The following CNST variants were observed in gnomAD, a reference collection of about 807,000 sequenced individuals.
CNST encodes the protein consortin, connexin sorting protein.
CNST carries 39 observed loss-of-function variants against 72.4 expected under a neutral mutation model. The observed-to-expected ratio is 0.54, with a 90% CI of 0.42 to 0.70. The LOEUF (loss-of-function observed/expected upper bound fraction) is 0.70. CNST is among the 30% of genes least tolerant of loss of function. The pLI, the probability that CNST is intolerant of heterozygous loss-of-function variation, is 0.00. For missense variants in CNST, 871 were observed against 868.5 expected (o/e 1.00, Z -0.04); for synonymous variants, 332 against 320.1 (o/e 1.04, Z -0.40).
At chr1:246,596,339 G>C (rs1277573903) in intron 2 of CNST, among the ~76,000 whole-genome samples, 1 of 151,372 alleles carries the variant, frequency 6.6e-6, no homozygotes, top group Non-Finnish European at 1.5e-5. Context: ...CACAGCAGCA[G>C]TGAGCTGCAT....
intron 10 of CNST, among the ~76,000 whole-genome samples, chr1:246,662,981 A>T (rs554311918): frequency 6.6e-6 from 1 of 152,350 alleles, no homozygotes; most frequent in African/African-American, 2.4e-5. Flanking sequence ...GGATTTGAAT[A>T]TATGATAATG....
chr1:246,618,086 C>T (rs528975533), intron 2 of CNST, among the ~76,000 whole-genome samples: 1 of 152,314 alleles, frequency 6.6e-6, no homozygotes, highest in African/African-American at 2.4e-5. Context: ...CAGAAAGGAA[C>T]TAGAAGATAC....
At chr1:246,636,788 C>T (rs543954816) in intron 6 of CNST, among the ~76,000 whole-genome samples, 2 of 152,284 alleles carry the variant, frequency 1.3e-5, no homozygotes, top group South Asian at 2.1e-4. Flanking sequence ...ACACATTCCT[C>T]GACTAAGGTT....
At chr1:246,627,899 T>TTA in intron 3 of CNST, among the ~76,000 whole-genome samples, 1 of 151,540 alleles carries the variant, frequency 6.6e-6, no homozygotes, top group Admixed American at 6.6e-5. Flanking sequence ...CATAGGATAT[T>TTA]TATATATATC....
At chr1:246,635,544 A>G (rs180923270) in intron 6 of CNST, among the ~76,000 whole-genome samples, 18 of 152,300 alleles carry the variant, frequency 1.2e-4, no homozygotes, top group Admixed American at 1.2e-3. Context: ...ATTATCGTCT[A>G]TGTTAAGACA....
At chr1:246,632,663 G>A (rs1664850681) in intron 4 of CNST, among the ~76,000 whole-genome samples, 1 of 152,160 alleles carries the variant, frequency 6.6e-6, no homozygotes, top group Non-Finnish European at 1.5e-5. Context: ...GTAGGCAGTT[G>A]GACAGTGTAT....
chr1:246,658,216 G>A (rs1666872748), intron 9 of CNST, among the ~76,000 whole-genome samples: 1 of 152,118 alleles, frequency 6.6e-6, no homozygotes, highest in African/African-American at 2.4e-5. Context: ...ATGTATTCAT[G>A]AAAATTAATT....
rs1411813103 is a variant in CNST at position 246,648,022 on chromosome 1, G to A, written c.1821G>A (p.Arg607=). ...TTTCTCTTGATGATCTTGCCAAAAG[G>A]ATAGAGATTGCAGAGGTAAATCAGA... is the stretch of plus-strand genomic sequence containing the variant. ...SCLSLDDLAK[R]IEIAEVVPTE... is the part of the protein sequence containing the mutation. Residue 607 remains arginine (R), a synonymous_variant, in exon 9 of 11, where the codon AGG becomes AGA. Transcript: ENST00000366513. 9.3e-6 allele frequency: 15 copies of A among 1,609,378 alleles called. No individual in the cohort carries two copies. Among genetic ancestry groups the A allele is most frequent in the Non-Finnish European group, 1.3e-5 (15 of 1,178,270 alleles).
At chr1:246,641,820 A>G in intron 7 of CNST, 50 bp downstream of exon 7, 2 of 1,265,268 alleles carry the variant, frequency 1.6e-6, no homozygotes, top group Non-Finnish European at 1.1e-6. Flanking sequence ...TGTTTGTGTC[A>G]TATGTCTGTT....
chr1:246,645,428 T>TATTTA (rs60285031), intron 8 of CNST, among the ~76,000 whole-genome samples: 118 of 142,562 alleles, frequency 8.3e-4, no homozygotes, highest in Non-Finnish European at 8.0e-4. Flanking sequence ...TTAAAACTTT[T>TATTTA]TTTTTTTTTT....
Position 246,612,944 on chromosome 1 carries a change from T to G in CNST, c.380-8485T>G, listed in dbSNP as rs544785115. ...TAGGGACATACAAAGCTTAACTAAT[T>G]GAAATTTGCTGAGTTTTAAAACATA... On this transcript the variant is annotated intron_variant, in intron 2 of 10. Transcript: ENST00000366513. Among the ~76,000 whole-genome samples, 57 of 152,272 alleles carry G rather than the reference T, an allele frequency of 3.7e-4. 1 individual carries two copies. Among genetic ancestry groups the G allele is most frequent in the Non-Finnish European group, 2.2e-4 (15 of 68,010 alleles).
chr1:246,616,915 A>C (rs1663743544), intron 2 of CNST, among the ~76,000 whole-genome samples: 1 of 151,864 alleles, frequency 6.6e-6, no homozygotes, highest in African/African-American at 2.4e-5. Flanking sequence ...TAATAATAAA[A>C]ATTTTTTGAA....
intron 2 of CNST, among the ~76,000 whole-genome samples, chr1:246,619,243 G>T (rs1272273351): frequency 6.6e-6 from 1 of 151,982 alleles, no homozygotes; most frequent in Non-Finnish European, 1.5e-5. Flanking sequence ...TGGTTTTGCT[G>T]CTATGGTGGT....
intron 1 of CNST, among the ~76,000 whole-genome samples, chr1:246,586,713 A>G (rs974575679): frequency 4.6e-5 from 7 of 152,166 alleles, no homozygotes; most frequent in African/African-American, 1.7e-4. Context: ...ATGGACTCAT[A>G]ACATTAAAGG....
intron 1 of CNST, among the ~76,000 whole-genome samples, chr1:246,590,629 T>G (rs1048407054): frequency 8.7e-6 from 1 of 115,204 alleles, no homozygotes; most frequent in African/African-American, 3.4e-5. Context: ...GAAGAATCTT[T>G]AGAAGTCCTC....
In CNST at chr1:246,638,058, C is replaced by T. The variant is rs143535079; in HGVS notation, c.818+3471C>T. Among the ~76,000 whole-genome samples the T allele has an allele frequency of 2.0e-4, 30 of 152,076 alleles. No individual in the cohort carries two copies. The East Asian group carries it at 2.3e-3, about 12-fold the overall frequency. On this transcript the variant is annotated intron_variant, in intron 6 of 10. Transcript: ENST00000366513. ...GCAGGACTGGATGATCTCTGGAACG[C>T]GGCTGGAAAGGTGAGGACAAGTGAG...
At position 246,579,056 on chromosome 1, in the gene CNST, G is replaced by A. The variant is rs1447401006; in HGVS notation, c.-52+12393G>A. On this transcript the variant is annotated intron_variant, in intron 1 of 10. Coordinates refer to ENST00000366513, the MANE Select transcript of CNST (RefSeq NM_152609.3). Reference sequence around the variant, plus strand: ...TGTTATTCTCATACTCTGGTATTACGGTCACTTCTCACAATAGACTTAAAC... The same window carrying A: ...TGTTATTCTCATACTCTGGTATTACAGTCACTTCTCACAATAGACTTAAAC... 4.6e-5 allele frequency among the ~76,000 whole-genome samples: 7 copies of A among 152,068 alleles called. No homozygotes were observed. The East Asian group carries it at 5.8e-4, about 13-fold the overall frequency.
intron 6 of CNST, among the ~76,000 whole-genome samples, chr1:246,639,155 G>C (rs1348752205): frequency 6.6e-6 from 1 of 152,028 alleles, no homozygotes; most frequent in African/African-American, 2.4e-5. Context: ...CCCTTAGACT[G>C]GTTAGAACAT....
Position 246,642,021 on chromosome 1 carries a change from T to TACC in CNST, c.926_928dup (p.Thr309dup). 1.2e-6 allele frequency: 2 copies of TACC among 1,607,172 alleles called. No homozygotes were observed. The highest frequency in any genetic ancestry group is 1.7e-6 in the Non-Finnish European group (2 of 1,175,300). ...CTGAAGATCCAAAGGAAGGAGGAGC[T>TACC]ACCACCAAAGAGTCAGGTATGTTTT... On this transcript the variant is annotated inframe_insertion, in exon 8 of 11. Transcript: ENST00000366513.
Sources: allele counts gnomAD v4.1 joint callset (sites outside exome capture counted in the v4.1 genomes callset), GRCh38; gene constraint gnomAD v4.1.1; transcripts MANE v1.5; gene names NCBI Gene and HGNC (gene_info 2026-07-23, HGNC 2026-07-21).